The following XPNPEP3 variants were observed in gnomAD, a reference collection of about 807,000 sequenced individuals.
The protein encoded by XPNPEP3 is X-prolyl aminopeptidase 3.
In XPNPEP3, 41 loss-of-function variants were observed where a neutral mutation model predicts 60.0. That is an observed-to-expected ratio of 0.68 (90% CI 0.53 to 0.89). XPNPEP3 has a LOEUF of 0.89. XPNPEP3 is among the 40% of genes least tolerant of loss of function. The pLI, the probability that XPNPEP3 is intolerant of heterozygous loss-of-function variation, is 0.00. For missense variants in XPNPEP3, 598 were observed against 638.9 expected (o/e 0.94, Z 0.69); for synonymous variants, 212 against 223.2 (o/e 0.95, Z 0.45).
At position 40,857,160 on chromosome 22, in the gene XPNPEP3, C is replaced by A. The variant is rs1396128958; in HGVS notation, c.-22C>A. ...CCCCGTCGTTACCCTCTTTCTCTTC[C>A]CGACGCGTGAGTTAGGCCGTAATGC... On this transcript the variant is annotated 5_prime_UTR_variant, in exon 1 of 10. Coordinates refer to ENST00000357137, the MANE Select transcript of XPNPEP3 (RefSeq NM_022098.4). The A allele has an allele frequency of 6.2e-7, 1 of 1,613,874 alleles. No individual in the cohort carries two copies.
At chr22:40,899,000 A>C (rs2058120753) in intron 4 of XPNPEP3, among the ~76,000 whole-genome samples, 1 of 152,036 alleles carries the variant, frequency 6.6e-6, no homozygotes, top group Non-Finnish European at 1.5e-5. Context: ...TTCCCTGCAA[A>C]CCTTTCTCAC....
At chr22:40,864,822 T>A (rs190803052) in intron 1 of XPNPEP3, among the ~76,000 whole-genome samples, 1 of 152,238 alleles carries the variant, frequency 6.6e-6, no homozygotes, top group Admixed American at 6.5e-5. Flanking sequence ...ACTTCCTATT[T>A]CATTCTGTGA....
chr22:40,907,547 A>G (rs1234597497), intron 4 of XPNPEP3, 40 bp from the exon 5 acceptor site: 5 of 1,582,596 alleles, frequency 3.2e-6, no homozygotes, highest in African/African-American at 1.3e-5. Flanking sequence ...AGCAACATAG[A>G]ATGAGATCGT....
At chr22:40,882,244 G>A in intron 3 of XPNPEP3, 67 bp downstream of exon 3, 1 of 1,567,478 alleles carries the variant, frequency 6.4e-7, no homozygotes, top group South Asian at 1.1e-5. Context: ...TGCCTGTTTA[G>A]ACAAGTCCTT....
Position 40,886,535 on chromosome 22 carries a change from G to GT in XPNPEP3, c.792+26dup. 4 of 1,611,516 alleles carry GT rather than the reference G, an allele frequency of 2.5e-6. No homozygotes were observed. The highest frequency in any genetic ancestry group is 3.4e-6 in the Non-Finnish European group (4 of 1,179,662). ...TCACAGGTATGATTCCTATTGAAAA[G>GT]TTTTTTCCAGCCGGGCGCGGTGGCT... On this transcript the variant is annotated intron_variant, in intron 4 of 9. Coordinates refer to ENST00000357137, the MANE Select transcript of XPNPEP3 (RefSeq NM_022098.4).
In XPNPEP3 at chr22:40,862,457, G is replaced by C. The variant is rs980645641; in HGVS notation, c.64+5212G>C. 1.0e-5 allele frequency: 10 copies of C among 986,534 alleles called. No homozygotes were observed. In the Admixed American group the frequency reaches 6.1e-4, roughly 61 times the overall value. The allele number at this position is 986,534 out of a possible 1,614,324, so 61.1% of individuals were successfully genotyped here. A position where few individuals can be genotyped will look rare whatever the true frequency, so the allele number is the denominator to read the frequency against. The stretch of plus-strand genomic sequence containing the variant: ...CTTTGGTTTAGAAAAATGAAGTACT[G>C]ACTTACGGGTGAAGAAAGTATTCAA... On this transcript the variant is annotated intron_variant, in intron 1 of 9. Transcript: ENST00000357137.
chr22:40,914,531 A>ATTTTTTT (rs560908648), intron 7 of XPNPEP3, among the ~76,000 whole-genome samples: 26 of 67,658 alleles, frequency 3.8e-4, no homozygotes, highest in African/African-American at 1.3e-3. Context: ...ACTAACAAAG[A>ATTTTTTT]TTTTTTTTTT....
At chr22:40,908,147 C>T (rs1047337529) in intron 5 of XPNPEP3, among the ~76,000 whole-genome samples, 1 of 151,478 alleles carries the variant, frequency 6.6e-6, no homozygotes, top group Non-Finnish European at 1.5e-5. Flanking sequence ...CTGGGAGGCA[C>T]AGTTTGCAGT....
intron 4 of XPNPEP3, among the ~76,000 whole-genome samples, chr22:40,888,963 T>A (rs1474118518): frequency 2.0e-5 from 3 of 152,192 alleles, no homozygotes; most frequent in East Asian, 3.8e-4. Flanking sequence ...CCCTAATGAT[T>A]AGTGGTGTTG....
At chr22:40,888,971 T>G (rs894878819) in intron 4 of XPNPEP3, among the ~76,000 whole-genome samples, 1 of 152,216 alleles carries the variant, frequency 6.6e-6, no homozygotes, top group Non-Finnish European at 1.5e-5. Flanking sequence ...ATTAGTGGTG[T>G]TGGGCATCTT....
intron 2 of XPNPEP3, among the ~76,000 whole-genome samples, chr22:40,871,901 C>T (rs1255901980): frequency 6.6e-6 from 1 of 152,078 alleles, no homozygotes; most frequent in African/African-American, 2.4e-5. Flanking sequence ...GGCATGGTGG[C>T]GCATGCCTGT....
intron 4 of XPNPEP3, among the ~76,000 whole-genome samples, chr22:40,891,999 G>A (rs996310424): frequency 2.6e-5 from 4 of 152,164 alleles, no homozygotes; most frequent in Non-Finnish European, 4.4e-5. Context: ...AATGCAGCTT[G>A]TGTTAACATG....
intron 1 of XPNPEP3, among the ~76,000 whole-genome samples, chr22:40,864,236 G>A (rs1053238860): frequency 2.6e-5 from 4 of 152,126 alleles, no homozygotes; most frequent in South Asian, 2.1e-4. Context: ...CGTTGCCATG[G>A]CATCTGTAAA....
At chr22:40,897,134 T>C (rs902144258) in intron 4 of XPNPEP3, among the ~76,000 whole-genome samples, 3 of 151,314 alleles carry the variant, frequency 2.0e-5, no homozygotes, top group African/African-American at 7.3e-5. Flanking sequence ...TTCACGCCAT[T>C]CTCCTGCCTC....
At chr22:40,873,687 TTTG>T (rs1311745600) in intron 2 of XPNPEP3, among the ~76,000 whole-genome samples, 1 of 151,996 alleles carries the variant, frequency 6.6e-6, no homozygotes, top group Non-Finnish European at 1.5e-5. Flanking sequence ...ATCCCAGCAC[TTTG>T]GGAAGCTGAA....
Position 40,927,857 on chromosome 22 carries a change from A to G in XPNPEP3, c.*1422A>G, listed in dbSNP as rs1601524458. 1 of 148,442 alleles carries G rather than the reference A, an allele frequency of 6.7e-6. No individual in the cohort carries two copies. Among genetic ancestry groups the G allele is most frequent in the Non-Finnish European group, 1.5e-5 (1 of 67,368 alleles). The allele number at this position is 148,442 out of a possible 1,614,324, so 9.2% of individuals were successfully genotyped here. ...GCCACTGCACTCCAGCCTGGGTGACAGAGCGAGACTCCGTCTCAAAAAAAA... is the reference window on the plus strand; with the variant it reads ...GCCACTGCACTCCAGCCTGGGTGACGGAGCGAGACTCCGTCTCAAAAAAAA... On this transcript the variant is annotated 3_prime_UTR_variant, in exon 10 of 10. Transcript: ENST00000357137.
At chr22:40,872,460 T>G (rs1189593124) in intron 2 of XPNPEP3, among the ~76,000 whole-genome samples, 5 of 152,140 alleles carry the variant, frequency 3.3e-5, no homozygotes, top group Non-Finnish European at 7.4e-5. Flanking sequence ...CTACTTTTTT[T>G]TTTTTTTGAG....
rs965931397 is a variant in XPNPEP3 at position 40,930,342 on chromosome 22, G to A, written c.*3907G>A. 6.6e-6 allele frequency: 1 copy of A among 151,954 alleles called. No individual in the cohort carries two copies. Among genetic ancestry groups the A allele is most frequent in the African/African-American group, 2.4e-5 (1 of 41,358 alleles). The allele number at this position is 151,954 out of a possible 1,614,324, so 9.4% of individuals were successfully genotyped here. On this transcript the variant is annotated 3_prime_UTR_variant, in exon 10 of 10. Transcript: ENST00000357137. ...GATGGGGTTTTACTGTGTTAGCCAG[G>A]ATGGTCTCAATCTCCTGACCTCATA...
intron 1 of XPNPEP3, among the ~76,000 whole-genome samples, chr22:40,863,806 A>C (rs940685140): frequency 6.6e-6 from 1 of 152,242 alleles, no homozygotes; most frequent in Non-Finnish European, 1.5e-5. Context: ...TGAGAGAGAA[A>C]GTAATTTGTC....
Sources: gnomAD v4.1 joint callset for allele counts (sites outside exome capture counted in the v4.1 genomes callset) on GRCh38, gnomAD v4.1.1 for gene constraint, MANE v1.5 for transcripts, NCBI Gene and HGNC (gene_info 2026-07-23, HGNC 2026-07-21) for gene names.